MAT2A: variants seen among roughly 807,000 people sequenced by gnomAD.
MAT2A encodes methionine adenosyltransferase 2A.
In MAT2A, 3 loss-of-function variants were observed where a neutral mutation model predicts 43.9. The observed-to-expected ratio is 0.07, with a 90% CI of 0.03 to 0.18. The LOEUF is 0.18. Ranked by LOEUF, MAT2A falls within the 10% of genes least tolerant of loss-of-function variation. The probability of loss-of-function intolerance (pLI) is 1.00; values close to 1 mark genes in which losing one functional copy is unlikely to be tolerated. For missense variants in MAT2A, 204 were observed against 489.0 expected (o/e 0.42, Z 5.50); for synonymous variants, 200 against 168.4 (o/e 1.19, Z -1.45).
chr2:85,542,522 G>A (rs1440172663), intron 6 of MAT2A, 43 bp from the exon 7 acceptor site: 2 of 1,577,546 alleles, frequency 1.3e-6, no homozygotes, highest in Non-Finnish European at 1.7e-6. Context: ...TAATCCACTT[G>A]GAAAGCACTA....
At position 85,539,324 on chromosome 2, in the gene MAT2A, A is replaced by G. The variant is rs760251833; in HGVS notation, c.37A>G (p.Ile13Val). The stretch of plus-strand genomic sequence containing the variant: ...GCTCAACGGCTTCCACGAGGCGTTC[A>G]TCGAGGAGGGCACATTCCTTTTCAC... ...GQLNGFHEAF[I>V]EEGTFLFTSE... The change falls in exon 1 of 9, where the codon ATC becomes GTC. Residue 13 changes from isoleucine (I) to valine (V), a missense_variant. Ile to Val is a conservative substitution (Grantham distance 29). Around this residue, in one of 6 missense-constraint regions of MAT2A, gnomAD observed 36 missense variants for 24.2 expected, o/e 1.49. Transcript: ENST00000306434. The G allele has an allele frequency of 3.1e-6, 5 of 1,607,056 alleles. No homozygotes were observed. The Admixed American group carries it at 5.1e-5, about 16-fold the overall frequency.
rs1465902185 is a variant in MAT2A at position 85,544,461 on chromosome 2, C to T, written c.*689C>T. Reference sequence around the variant, plus strand: ...ACAGCACCAAATCAAAATCTCTCCACTTTCAGCTGTCTTTTGGAGGACGTA... The same window carrying T: ...ACAGCACCAAATCAAAATCTCTCCATTTTCAGCTGTCTTTTGGAGGACGTA... On this transcript the variant is annotated 3_prime_UTR_variant, in exon 9 of 9. Transcript: ENST00000306434. 6.6e-6 allele frequency: 1 copy of T among 152,664 alleles called. No homozygotes were observed. Among genetic ancestry groups the T allele is most frequent in the Non-Finnish European group, 1.5e-5 (1 of 68,048 alleles). The allele number at this position is 152,664 out of a possible 1,614,324, so 9.5% of individuals were successfully genotyped here. A position where few individuals can be genotyped will look rare whatever the true frequency, so the allele number is the denominator to read the frequency against.
At chr2:85,539,561 TCTTCCCCCTCCCCTCTCCACCCTTCC>T in intron 1 of MAT2A, 183 bp downstream of exon 1, 2 of 485,870 alleles carry the variant, frequency 4.1e-6, no homozygotes, top group African/African-American at 2.1e-5. Context: ...CCGCCGCTCC[TCTTCCCCCTCCCCTCTCCACCCTTCC>T]CTTCCCCCCT....
intron 1 of MAT2A, chr2:85,539,854 C>A (rs1464306633): frequency 1.3e-5 from 2 of 155,538 alleles, no homozygotes; most frequent in African/African-American, 2.4e-5. Flanking sequence ...AGCCGTGAGC[C>A]TCCCCGGCTG....
chr2:85,542,076 A>G (rs1691488951), intron 5 of MAT2A, 79 bp from the exon 6 acceptor site: 2 of 1,579,432 alleles, frequency 1.3e-6, no homozygotes, highest in South Asian at 1.1e-5. Context: ...TTGTTTTCCT[A>G]TATTGTAACT....
chr2:85,542,814 A>G, intron 7 of MAT2A, 67 bp downstream of exon 7: 2 of 1,553,464 alleles, frequency 1.3e-6, no homozygotes. Flanking sequence ...GTAGTAATCT[A>G]CTTAACTACT....
intron 1 of MAT2A, 50 bp downstream of exon 1, chr2:85,539,428 C>A (rs1467840799): frequency 6.9e-7 from 1 of 1,457,820 alleles, no homozygotes; most frequent in Admixed American, 2.1e-5. Context: ...AAGGCAGCGC[C>A]AAGGTCCGGC....
intron 1 of MAT2A, 123 bp downstream of exon 1, chr2:85,539,501 A>G (rs1237934355): frequency 3.0e-6 from 2 of 661,492 alleles, no homozygotes; most frequent in African/African-American, 2.0e-5. Flanking sequence ...GTGATGGAAG[A>G]GCGGCGACCG....
chr2:85,541,215 T>C (rs1691469098), intron 2 of MAT2A, 40 bp from the exon 3 acceptor site: 4 of 1,612,536 alleles, frequency 2.5e-6, no homozygotes, highest in South Asian at 2.2e-5. Context: ...AAATTATTTT[T>C]ATAGAAGTGA....
At chr2:85,541,055 A>C (rs765367037) in intron 1 of MAT2A, 28 bp from the exon 2 acceptor site, 2 of 1,557,440 alleles carry the variant, frequency 1.3e-6, no homozygotes, top group East Asian at 4.5e-5. Flanking sequence ...AAGTTAAAGA[A>C]ACTGAGCCAG....
At chr2:85,540,713 G>T (rs147295594) in intron 1 of MAT2A, among the ~76,000 whole-genome samples, 1 of 152,104 alleles carries the variant, frequency 6.6e-6, no homozygotes, top group African/African-American at 2.4e-5. Context: ...TTGTTTAATC[G>T]AATTATCTTG....
chr2:85,539,199 AGAACGCTGTCC>A lies in MAT2A; in HGVS notation c.-87_-77del. ...TCCGCGCCGCCCGCCTGCTACGAGTAGAACGCTGTCCGCAGCTTGCGCATTTCGCAGCCGCT... is the reference window on the plus strand; with the variant it reads ...TCCGCGCCGCCCGCCTGCTACGAGTAGCAGCTTGCGCATTTCGCAGCCGCT... On this transcript the variant is annotated 5_prime_UTR_variant, in exon 1 of 9. Transcript: ENST00000306434. The A allele has an allele frequency of 1.1e-6, 1 of 929,930 alleles. No homozygotes were observed. The highest frequency in any genetic ancestry group is 1.7e-6 in the Non-Finnish European group (1 of 597,934). 57.6% of individuals were successfully genotyped at this position (929,930 alleles called of 1,614,324 possible). A position where few individuals can be genotyped will look rare whatever the true frequency, so the allele number is the denominator to read the frequency against.
intron 7 of MAT2A, 54 bp from the exon 8 acceptor site, chr2:85,542,847 C>CA: frequency 6.3e-7 from 1 of 1,584,728 alleles, no homozygotes; most frequent in Non-Finnish European, 8.6e-7. Flanking sequence ...ACGTATTATA[C>CA]AAGTATATGG....
Position 85,542,340 on chromosome 2 carries a change from G to A in MAT2A, c.735G>A (p.Gln245=). ...YLDEDTIYHL[Q]PSGRFVIGGP... is the part of the protein sequence containing the mutation. The stretch of plus-strand genomic sequence containing the variant: ...ATGAGGATACAATCTACCACCTACA[G>A]CCAAGTGGCAGATTTGTTATTGGTG... The change falls in exon 6 of 9, where the codon CAG becomes CAA. Residue 245 remains glutamine (Q), a synonymous_variant. Coordinates refer to ENST00000306434, the MANE Select transcript of MAT2A (RefSeq NM_005911.6). 6.2e-7 allele frequency: 1 copy of A among 1,614,190 alleles called. No homozygotes were observed. Among genetic ancestry groups the A allele is most frequent in the Non-Finnish European group, 8.5e-7 (1 of 1,180,038 alleles).
intron 1 of MAT2A, among the ~76,000 whole-genome samples, chr2:85,540,691 C>G (rs532419151): frequency 4.6e-5 from 7 of 152,184 alleles, no homozygotes; most frequent in African/African-American, 1.4e-4. Flanking sequence ...TCAGAAAATG[C>G]TTTTCATTTA....
Position 85,542,927 on chromosome 2 carries a change from T to C in MAT2A, c.978T>C (p.His326=). 6.2e-7 allele frequency: 1 copy of C among 1,613,680 alleles called. No individual in the cohort carries two copies. Among genetic ancestry groups the C allele is most frequent in the Non-Finnish European group, 8.5e-7 (1 of 1,179,882 alleles). The part of the protein sequence containing the change: ...VQVSYAIGVS[H]PLSISIFHYG... ...TCTCTTATGCTATTGGAGTTTCTCA[T>C]CCATTATCTATCTCCATTTTCCATT... is the stretch of plus-strand genomic sequence containing the variant. The change falls in exon 8 of 9, where the codon CAT becomes CAC. Residue 326 remains histidine, a synonymous_variant. Coordinates refer to ENST00000306434, the MANE Select transcript of MAT2A (RefSeq NM_005911.6).
Position 85,539,324 on chromosome 2 carries a change from A to C in MAT2A, c.37A>C (p.Ile13Leu). ...GCTCAACGGCTTCCACGAGGCGTTCATCGAGGAGGGCACATTCCTTTTCAC... is the reference window on the plus strand; with the variant it reads ...GCTCAACGGCTTCCACGAGGCGTTCCTCGAGGAGGGCACATTCCTTTTCAC... ...GQLNGFHEAFIEEGTFLFTSE... is the reference protein window; with the variant it reads ...GQLNGFHEAFLEEGTFLFTSE... The change falls in exon 1 of 9, where the codon ATC becomes CTC. Residue 13 changes from isoleucine to leucine, a missense_variant. Transcript: ENST00000306434. 1 of 1,607,056 alleles carries C rather than the reference A, an allele frequency of 6.2e-7. No homozygotes were observed. The highest frequency in any genetic ancestry group is 8.5e-7 in the Non-Finnish European group (1 of 1,177,126).
intron 5 of MAT2A, 45 bp from the exon 6 acceptor site, chr2:85,542,110 G>C (rs745632575): frequency 1.1e-5 from 17 of 1,587,534 alleles, no homozygotes; most frequent in Non-Finnish European, 1.4e-5. Context: ...CAAATACAAA[G>C]TTATTGTTTG....
chr2:85,539,253 C>T lies in MAT2A; in HGVS notation c.-35C>T, dbSNP rs780678816. On this transcript the variant is annotated 5_prime_UTR_variant, in exon 1 of 9. Coordinates refer to ENST00000306434, the MANE Select transcript of MAT2A (RefSeq NM_005911.6). ...CAGCCGCTGCCGCCTCGCCGCTGCTCCTTCGTAAGGCCACTTCCGCACACC... is the reference window on the plus strand; with the variant it reads ...CAGCCGCTGCCGCCTCGCCGCTGCTTCTTCGTAAGGCCACTTCCGCACACC... 2.8e-5 allele frequency: 43 copies of T among 1,518,688 alleles called. 1 individual carries two copies. Among genetic ancestry groups the T allele is most frequent in the Non-Finnish European group, 3.2e-5 (35 of 1,104,644 alleles). 94.1% of individuals were successfully genotyped at this position (1,518,688 alleles called of 1,614,324 possible). A position where few individuals can be genotyped will look rare whatever the true frequency, so the allele number is the denominator to read the frequency against.
Sources: gnomAD v4.1 joint callset for allele counts (sites outside exome capture counted in the v4.1 genomes callset) on GRCh38, gnomAD v4.1.1 for gene constraint, gnomAD v4.1.1 regional missense constraint, MANE v1.5 for transcripts, NCBI Gene and HGNC (gene_info 2026-07-23, HGNC 2026-07-21) for gene names.